MAML2: variants seen among roughly 807,000 people sequenced by gnomAD.
MAML2 encodes mastermind-like protein 2.
In MAML2, 22 loss-of-function variants were observed where a neutral mutation model predicts 96.1. The observed-to-expected ratio is 0.23, with a 90% CI of 0.16 to 0.33. MAML2 has a LOEUF of 0.33. MAML2 is among the 10% of genes least tolerant of loss of function. The probability of loss-of-function intolerance (pLI) is 1.00; values close to 1 mark genes in which losing one functional copy is unlikely to be tolerated. For missense variants in MAML2, 1,367 were observed against 1,392.4 expected, an observed-to-expected ratio of 0.98 and a Z score of 0.29; for synonymous variants, 561 against 521.3, an observed-to-expected ratio of 1.08 and a Z score of -1.04.
chr11:96,243,234 C>T (rs1037578348), intron 1 of MAML2, among the ~76,000 whole-genome samples: 1 of 152,186 alleles, frequency 6.6e-6, no homozygotes, highest in Non-Finnish European at 1.5e-5. Flanking sequence ...TGGAAAACCT[C>T]AAGCTGACAA....
In MAML2 at chr11:96,093,119, A is replaced by T. The variant is rs371879923; in HGVS notation, c.912T>A (p.Pro304=). Residue 304 remains proline, a synonymous_variant, in exon 2 of 5, where the codon CCT becomes CCA. Transcript: ENST00000524717. ...GTTCATTGAACAGTTCCTGCAGCTCAGGATCCATCAGTTGTTCTCCAGGGT... is the reference window on the plus strand; with the variant it reads ...GTTCATTGAACAGTTCCTGCAGCTCTGGATCCATCAGTTGTTCTCCAGGGT... The part of the protein sequence containing the change: ...GDDPGEQLMD[P]ELQELFNELT... 3 of 1,614,004 alleles carry T rather than the reference A, an allele frequency of 1.9e-6. No homozygotes were observed. Among genetic ancestry groups the T allele is most frequent in the Non-Finnish European group, 2.5e-6 (3 of 1,179,882 alleles).
chr11:96,030,725 C>T (rs570535288), intron 2 of MAML2, among the ~76,000 whole-genome samples: 1 of 152,274 alleles, frequency 6.6e-6, no homozygotes, highest in South Asian at 2.1e-4. Context: ...GACCATTGAC[C>T]TGACAGAGAA....
At chr11:96,248,155 G>T in intron 1 of MAML2, among the ~76,000 whole-genome samples, 1 of 141,404 alleles carries the variant, frequency 7.1e-6, no homozygotes. Flanking sequence ...CTGTTGCCCA[G>T]GCAACAGAGT....
intron 1 of MAML2, among the ~76,000 whole-genome samples, chr11:96,094,727 A>G (rs1216244961): frequency 6.6e-6 from 1 of 152,218 alleles, no homozygotes; most frequent in South Asian, 2.1e-4. Context: ...GAGAGACCAT[A>G]TCTACCAAAG....
intron 1 of MAML2, among the ~76,000 whole-genome samples, chr11:96,254,351 C>T (rs979457729): frequency 6.6e-6 from 1 of 151,456 alleles, no homozygotes; most frequent in African/African-American, 2.4e-5. Flanking sequence ...AGTGGAAGAA[C>T]CTCAGGGGCG....
chr11:96,239,994 T>C lies in MAML2; in HGVS notation c.513+101389A>G, dbSNP rs563396431. On this transcript the variant is annotated intron_variant, in intron 1 of 4. Coordinates refer to ENST00000524717, the MANE Select transcript of MAML2 (RefSeq NM_032427.4). ...ATTGAGATTAAGGGAATTTTTCTTA[T>C]AGGCTTCATAGGCATCATCATCAGT... Among the ~76,000 whole-genome samples, 97 of 152,338 alleles carry C rather than the reference T, an allele frequency of 6.4e-4. 1 individual carries two copies. The highest frequency in any genetic ancestry group is 2.3e-3 in the African/African-American group (94 of 41,572).
intron 1 of MAML2, among the ~76,000 whole-genome samples, chr11:96,239,013 C>A: frequency 6.6e-6 from 1 of 152,210 alleles, no homozygotes; most frequent in African/African-American, 2.4e-5. Flanking sequence ...AGATTAGGCA[C>A]AAGCTTGCCA....
intron 1 of MAML2, among the ~76,000 whole-genome samples, chr11:96,107,328 T>C (rs1164933561): frequency 6.6e-6 from 1 of 152,178 alleles, no homozygotes; most frequent in East Asian, 1.9e-4. Flanking sequence ...ATGTAATCTC[T>C]CTGGGCCTCA....
intron 2 of MAML2, among the ~76,000 whole-genome samples, chr11:96,052,781 CT>C (rs1859007836): frequency 6.6e-6 from 1 of 152,206 alleles, no homozygotes; most frequent in Non-Finnish European, 1.5e-5. Context: ...CTGCTCAAGT[CT>C]CTCTGAAGAT....
At chr11:96,264,562 T>C (rs913185292) in intron 1 of MAML2, among the ~76,000 whole-genome samples, 1 of 152,240 alleles carries the variant, frequency 6.6e-6, no homozygotes, top group South Asian at 2.1e-4. Context: ...CTGACCCTCT[T>C]AGTCACGCTG....
chr11:96,197,086 C>T (rs915380116), intron 1 of MAML2, among the ~76,000 whole-genome samples: 1 of 152,136 alleles, frequency 6.6e-6, no homozygotes, highest in African/African-American at 2.4e-5. Flanking sequence ...GGGTGGCCTG[C>T]CCAGGTCACT....
rs1863996287 is a variant in MAML2 at position 96,341,657 on chromosome 11, A to G, written c.239T>C (p.Val80Ala). The G allele has an allele frequency of 1.3e-6, 2 of 1,570,530 alleles. No homozygotes were observed. Among genetic ancestry groups the G allele is most frequent in the Admixed American group, 1.9e-5 (1 of 53,202 alleles). The change falls in exon 1 of 5, where the codon GTA becomes GCA. Residue 80 changes from valine to alanine, a missense_variant. By Grantham distance (64) the Val-to-Ala change is moderately conservative (BLOSUM62 0). Coordinates refer to ENST00000524717, the MANE Select transcript of MAML2 (RefSeq NM_032427.4). ...TTTCCTTGCCCCCTGGCCATGCTGT[A>G]CAAGGCTCAGGAGCTGCAAGGTGCT... ...RESTLQLLSL[V>A]QHGQGARKAG...
intron 1 of MAML2, among the ~76,000 whole-genome samples, chr11:96,138,348 C>T (rs529614894): frequency 2.0e-5 from 3 of 152,312 alleles, no homozygotes; most frequent in East Asian, 1.9e-4. Flanking sequence ...CATATTACTG[C>T]CCCTTGCCTA....
Position 96,276,335 on chromosome 11 carries a change from A to G in MAML2, c.513+65048T>C, listed in dbSNP as rs527866298. Among the ~76,000 whole-genome samples, 8 of 152,256 alleles carry G rather than the reference A, an allele frequency of 5.3e-5. No individual in the cohort carries two copies. In the East Asian group the frequency reaches 9.6e-4, roughly 18 times the overall value. On this transcript the variant is annotated intron_variant, in intron 1 of 4. Coordinates refer to ENST00000524717, the MANE Select transcript of MAML2 (RefSeq NM_032427.4). ...TGAACTGTGCTGTTACACCCTTGCC[A>G]TCTCTCTCTCTTGGAAAAGATGGTT...
intron 1 of MAML2, among the ~76,000 whole-genome samples, chr11:96,164,407 C>T (rs750745466): frequency 1.3e-5 from 2 of 152,184 alleles, no homozygotes; most frequent in African/African-American, 2.4e-5. Context: ...TTACAAGGAA[C>T]CTGGGCCTGT....
chr11:96,121,950 C>CTTTTTTTTTTTTTTTTTTTTT (rs71040130), intron 1 of MAML2, among the ~76,000 whole-genome samples: 5 of 56,850 alleles, frequency 8.8e-5, no homozygotes, highest in Admixed American at 2.5e-4. Context: ...CCACGCCCGG[C>CTTTTTTTTTTTTTTTTTTTTT]TTTTTTTTTT....
chr11:96,274,950 G>T (rs1003137393), intron 1 of MAML2, among the ~76,000 whole-genome samples: 1 of 148,930 alleles, frequency 6.7e-6, no homozygotes, highest in Non-Finnish European at 1.5e-5. Context: ...ACATAAATGG[G>T]CTCATTTATA....
chr11:96,252,769 C>T (rs1238223828), intron 1 of MAML2, among the ~76,000 whole-genome samples: 1 of 152,186 alleles, frequency 6.6e-6, no homozygotes, highest in Non-Finnish European at 1.5e-5. Flanking sequence ...AAACAGCTCA[C>T]CTAGGTTTTA....
intron 1 of MAML2, among the ~76,000 whole-genome samples, chr11:96,207,756 A>G (rs1861914384): frequency 6.6e-6 from 1 of 152,238 alleles, no homozygotes; most frequent in Admixed American, 6.5e-5. Context: ...CACACCAACT[A>G]ATCCAAGGGC....
Sources: gnomAD v4.1 joint callset for allele counts (sites outside exome capture counted in the v4.1 genomes callset) on GRCh38, gnomAD v4.1.1 for gene constraint, MANE v1.5 for transcripts, NCBI Gene and HGNC (gene_info 2026-07-23, HGNC 2026-07-21) for gene names.